The following LAMC1 variants were observed in gnomAD, a reference collection of about 807,000 sequenced individuals.
LAMC1 encodes the protein laminin subunit gamma-1.
LAMC1 carries 38 observed loss-of-function variants against 173.6 expected under a neutral mutation model. The observed-to-expected ratio is 0.22, with a 90% CI of 0.17 to 0.29. The LOEUF (loss-of-function observed/expected upper bound fraction) is 0.29. LAMC1 is among the 10% of genes least tolerant of loss of function. The pLI is 1.00. For missense variants in LAMC1, 1,824 were observed against 2,051.8 expected, an observed-to-expected ratio of 0.89 and a Z score of 2.14; for synonymous variants, 746 against 749.1, an observed-to-expected ratio of 1.00 and a Z score of 0.07.
At chr1:183,086,531 A>G (rs1655432982) in intron 1 of LAMC1, among the ~76,000 whole-genome samples, 1 of 152,374 alleles carries the variant, frequency 6.6e-6, no homozygotes, top group East Asian at 1.9e-4. Context: ...TGTTTGGAGC[A>G]TGCAGATTGC....
chr1:183,124,532 C>T, intron 13 of LAMC1, 99 bp from the exon 14 acceptor site: 1 of 1,421,040 alleles, frequency 7.0e-7, no homozygotes, highest in East Asian at 2.3e-5. Flanking sequence ...TGTCTTCTCT[C>T]ATGTGATGAT....
intron 2 of LAMC1, among the ~76,000 whole-genome samples, chr1:183,105,525 C>G (rs1262540222): frequency 1.3e-5 from 2 of 152,048 alleles, no homozygotes; most frequent in Admixed American, 1.3e-4. Flanking sequence ...GCCATTTCCC[C>G]AACTGTAAGA....
At chr1:183,082,158 C>T (rs1655294883) in intron 1 of LAMC1, among the ~76,000 whole-genome samples, 1 of 152,156 alleles carries the variant, frequency 6.6e-6, no homozygotes, top group African/African-American at 2.4e-5. Flanking sequence ...CTGGTTGCTT[C>T]CAAGTTTTGT....
chr1:183,144,681 T>A lies in LAMC1; in HGVS notation c.*1891T>A, dbSNP rs1657207802. The A allele has an allele frequency of 6.6e-6, 1 of 152,248 alleles. No individual in the cohort carries two copies. The highest frequency in any genetic ancestry group is 1.5e-5 in the Non-Finnish European group (1 of 68,082). The allele number at this position is 152,248 out of a possible 1,614,324, so 9.4% of individuals were successfully genotyped here. On this transcript the variant is annotated 3_prime_UTR_variant, in exon 28 of 28. Transcript: ENST00000258341. ...AGGAAAGTTTGCTGAAGAGGATCTT[T>A]GACGCCACAGTGGGACTAGCCAGGA... is the stretch of plus-strand genomic sequence containing the variant.
chr1:183,064,204 G>C (rs1219572044), intron 1 of LAMC1, among the ~76,000 whole-genome samples: 1 of 152,178 alleles, frequency 6.6e-6, no homozygotes, highest in African/African-American at 2.4e-5. Context: ...ATATAGTCAT[G>C]CATTACTTAA....
chr1:183,126,287 CT>C, intron 16 of LAMC1, 25 bp downstream of exon 16: 2 of 1,606,922 alleles, frequency 1.2e-6, no homozygotes, highest in South Asian at 1.1e-5. Flanking sequence ...TGGCATACAA[CT>C]CTAAGCTTCC....
Position 183,045,879 on chromosome 1 carries a change from A to T in LAMC1, c.418+21745A>T, listed in dbSNP as rs146888236. ...ATTGTATCTTAGTGGTTTTATTTAT[A>T]AAGGAGAGTATCTTTTCATGTGTTT... is the stretch of plus-strand genomic sequence containing the variant. On this transcript the variant is annotated intron_variant, in intron 1 of 27. Transcript: ENST00000258341. Among the ~76,000 whole-genome samples, 6 of 152,170 alleles carry T rather than the reference A, an allele frequency of 3.9e-5. 1 individual carries two copies. The highest frequency in any genetic ancestry group is 1.4e-4 in the African/African-American group (6 of 41,558).
intron 3 of LAMC1, among the ~76,000 whole-genome samples, chr1:183,109,096 A>C (rs1398859518): frequency 1.3e-5 from 2 of 152,226 alleles, no homozygotes; most frequent in Non-Finnish European, 2.9e-5. Context: ...GTGGCCAGAG[A>C]CCTTAAACAG....
chr1:183,140,300 G>C (rs1657076257), intron 26 of LAMC1, 104 bp from the exon 27 acceptor site: 1 of 384,502 alleles, frequency 2.6e-6, no homozygotes. Context: ...AGTTAGAAAA[G>C]GGAAGAAAAT....
In LAMC1 at chr1:183,110,639, G is replaced by C. The variant is rs771553252; in HGVS notation, c.1006G>C (p.Ala336Pro). 1 of 1,613,804 alleles carries C rather than the reference G, an allele frequency of 6.2e-7. No homozygotes were observed. The highest frequency in any genetic ancestry group is 1.1e-5 in the South Asian group (1 of 91,024). ...GTGGAGGAGGGCAACTGCGGAAAGT[G>C]CCAGTGAATGCCTGCGTGAGTGCCC... ...RPWRRATAES[A>P]SECLPCDCNG... Residue 336 changes from alanine (A) to proline (P), a missense_variant, in exon 4 of 28, where the codon GCC (alanine) becomes CCC (proline). Physicochemically the swap from Ala to Pro is conservative, Grantham distance 27. Coordinates refer to ENST00000258341, the MANE Select transcript of LAMC1 (RefSeq NM_002293.4).
At chr1:183,061,915 A>C (rs1479847067) in intron 1 of LAMC1, among the ~76,000 whole-genome samples, 1 of 152,244 alleles carries the variant, frequency 6.6e-6, no homozygotes, top group East Asian at 1.9e-4. Context: ...TTGGGCAATT[A>C]AATTCTCACT....
At chr1:183,140,290 AGTTAG>A in intron 26 of LAMC1, 109 bp from the exon 27 acceptor site, 2 of 359,072 alleles carry the variant, frequency 5.6e-6, no homozygotes, top group South Asian at 4.1e-5. Flanking sequence ...CAATTTCCTA[AGTTAG>A]AAAAGGGAAG....
intron 6 of LAMC1, among the ~76,000 whole-genome samples, chr1:183,116,229 A>G (rs1656317600): frequency 6.6e-6 from 1 of 152,126 alleles, no homozygotes; most frequent in Non-Finnish European, 1.5e-5. Flanking sequence ...CTGTAATCCC[A>G]GCACTTTGGG....
At position 183,140,414 on chromosome 1, in the gene LAMC1, C is replaced by A; in HGVS notation, c.4484C>A (p.Ala1495Asp). The change falls in exon 27 of 28, where the codon GCT becomes GAT. Residue 1495 changes from alanine (A) to aspartate (D), a missense_variant. Physicochemically the swap from Ala to Asp is moderately radical, Grantham distance 126. Coordinates refer to ENST00000258341, the MANE Select transcript of LAMC1 (RefSeq NM_002293.4). ...ATTTTTCCCTTACAGGCTTCACAGG[C>A]TGCTCAAGAAGCCGAGATCAATGCC... Reference protein sequence around the residue: ...DMMMAGMASQAAQEAEINARK... With the variant: ...DMMMAGMASQDAQEAEINARK... 6.2e-7 allele frequency: 1 copy of A among 1,611,848 alleles called. No individual in the cohort carries two copies. The highest frequency in any genetic ancestry group is 8.5e-7 in the Non-Finnish European group (1 of 1,178,592).
intron 1 of LAMC1, among the ~76,000 whole-genome samples, chr1:183,095,082 G>T (rs1461591904): frequency 6.6e-6 from 1 of 152,118 alleles, no homozygotes; most frequent in Non-Finnish European, 1.5e-5. Context: ...CCAAACTAAG[G>T]TGATCTCCCG....
rs68083893 is a variant in LAMC1 at position 183,077,776 on chromosome 1, G to GTATATATATATATATA, written c.419-25547_419-25532dup. Among the ~76,000 whole-genome samples the GTATATATATATATATA allele has an allele frequency of 1.1e-3, 123 of 116,544 alleles. 1 individual carries two copies. The highest frequency in any genetic ancestry group is 3.3e-3 in the African/African-American group (115 of 34,520). The allele number at this position is 116,544 out of a possible 152,430, so 76.5% of individuals were successfully genotyped here. On this transcript the variant is annotated intron_variant, in intron 1 of 27. Transcript: ENST00000258341. ...TGAATAGTATTTTTATGGCCATTGTGTATATATATATATATATATACAGTA... is the reference window on the plus strand; with the variant it reads ...TGAATAGTATTTTTATGGCCATTGTGTATATATATATATATATATATATATATATATATATACAGTA...
intron 1 of LAMC1, among the ~76,000 whole-genome samples, chr1:183,029,223 C>T (rs1302070092): frequency 6.6e-6 from 1 of 152,180 alleles, no homozygotes; most frequent in Non-Finnish European, 1.5e-5. Context: ...CTACTCTTAC[C>T]TTCTATATCC....
intron 1 of LAMC1, among the ~76,000 whole-genome samples, chr1:183,049,690 C>T (rs1654361990): frequency 6.6e-6 from 1 of 152,068 alleles, no homozygotes; most frequent in African/African-American, 2.4e-5. Flanking sequence ...TCTGAAACTC[C>T]TGACCCCAAG....
chr1:183,130,957 C>A (rs767269071), intron 19 of LAMC1, among the ~76,000 whole-genome samples: 1 of 152,030 alleles, frequency 6.6e-6, no homozygotes, highest in Admixed American at 6.6e-5. Context: ...GGTGGATCAC[C>A]TGAGGTCGAG....
Sources: allele counts gnomAD v4.1 joint callset (sites outside exome capture counted in the v4.1 genomes callset), GRCh38; gene constraint gnomAD v4.1.1; transcripts MANE v1.5; gene names NCBI Gene and HGNC (gene_info 2026-07-23, HGNC 2026-07-21).